Variants in PTPN1 observed in about 807,000 individuals in gnomAD.
PTPN1 encodes the protein protein tyrosine phosphatase non-receptor type 1, also known as tyrosine-protein phosphatase non-receptor type 1.
Under a neutral mutation model 59.9 loss-of-function variants are expected in PTPN1, and 12 were observed. The observed-to-expected ratio is 0.20, with a 90% CI of 0.13 to 0.32. The LOEUF is 0.32. Ranked by LOEUF, PTPN1 falls within the 10% of genes least tolerant of loss-of-function variation. PTPN1 has a pLI of 1.00. For synonymous variants in PTPN1, 178 were observed against 203.6 expected, an observed-to-expected ratio of 0.87 and a Z score of 1.07; for missense variants, 356 against 549.2, an observed-to-expected ratio of 0.65 and a Z score of 3.52.
intron 1 of PTPN1, among the ~76,000 whole-genome samples, chr20:50,517,536 G>C (rs1176330377): frequency 1.3e-5 from 2 of 152,196 alleles, no homozygotes; most frequent in African/African-American, 4.8e-5. Context: ...TGGGATTACA[G>C]GTGTGAGCCA....
intron 1 of PTPN1, among the ~76,000 whole-genome samples, chr20:50,543,939 GAGT>G (rs1452508049): frequency 6.6e-6 from 1 of 152,010 alleles, no homozygotes; most frequent in Non-Finnish European, 1.5e-5. Context: ...TCCGCTTCCT[GAGT>G]TCAAGCAATT....
chr20:50,527,107 G>T (rs1480094846), intron 1 of PTPN1, among the ~76,000 whole-genome samples: 2 of 152,080 alleles, frequency 1.3e-5, no homozygotes, highest in African/African-American at 4.8e-5. Context: ...TGCAATAAGG[G>T]GTTGGTGACT....
chr20:50,522,817 G>T (rs1416215763), intron 1 of PTPN1, among the ~76,000 whole-genome samples: 1 of 152,102 alleles, frequency 6.6e-6, no homozygotes, highest in Non-Finnish European at 1.5e-5. Context: ...GCAATGGCAC[G>T]ATCTCAGCTC....
chr20:50,561,141 C>T (rs547792894), intron 1 of PTPN1, among the ~76,000 whole-genome samples: 2 of 152,304 alleles, frequency 1.3e-5, no homozygotes, highest in South Asian at 4.1e-4. Flanking sequence ...CTGTCTGTCT[C>T]TCTGCCCTCT....
At position 50,585,180 on chromosome 20, in the gene PTPN1, AAGAC is replaced by A. The variant is rs1203181307; in HGVS notation, c.*2469_*2472del. ...CTTGATATAGAATTGACTTAGAAAT[AAGAC>A]AGATTAGTATAGTTTTTCATTTGTG... On this transcript the variant is annotated 3_prime_UTR_variant, in exon 10 of 10. Transcript: ENST00000371621. 7 of 152,254 alleles carry A rather than the reference AAGAC, an allele frequency of 4.6e-5. No homozygotes were observed. The highest frequency in any genetic ancestry group is 9.6e-5 in the African/African-American group (4 of 41,470). The allele number at this position is 152,254 out of a possible 1,614,324, so 9.4% of individuals were successfully genotyped here. A position where few individuals can be genotyped will look rare whatever the true frequency, so the allele number is the denominator to read the frequency against.
chr20:50,561,277 T>G, intron 1 of PTPN1, 86 bp from the exon 2 acceptor site: 1 of 1,022,752 alleles, frequency 9.8e-7, no homozygotes, highest in Non-Finnish European at 1.5e-6. Flanking sequence ...TTTCCCATAT[T>G]GCCCGGCTCT....
chr20:50,583,087 G>T lies in PTPN1; in HGVS notation c.*372G>T, dbSNP rs2082877842. On this transcript the variant is annotated 3_prime_UTR_variant, in exon 10 of 10. Coordinates refer to ENST00000371621, the MANE Select transcript of PTPN1 (RefSeq NM_002827.4). ...CGCCAACAGCCCCCCCCTTGAATCT[G>T]CAGGGAGCAACTCTCCACTCCATAT... 1 of 282,218 alleles carries T rather than the reference G, an allele frequency of 3.5e-6. No homozygotes were observed. Among genetic ancestry groups the T allele is most frequent in the South Asian group, 1.0e-4 (1 of 9,728 alleles). 17.5% of individuals were successfully genotyped at this position (282,218 alleles called of 1,614,324 possible). A position where few individuals can be genotyped will look rare whatever the true frequency, so the allele number is the denominator to read the frequency against.
chr20:50,545,855 G>T (rs540146356), intron 1 of PTPN1, among the ~76,000 whole-genome samples: 31 of 100,640 alleles, frequency 3.1e-4, no homozygotes, highest in Non-Finnish European at 2.6e-4. Flanking sequence ...CCCTCCCCCC[G>T]TCTCTACAAA....
chr20:50,559,596 G>A (rs917321888), intron 1 of PTPN1, among the ~76,000 whole-genome samples: 24 of 151,396 alleles, frequency 1.6e-4, no homozygotes, highest in African/African-American at 5.6e-4. Context: ...ACTTCTTGAT[G>A]TTTTCTTTCC....
At position 50,570,223 on chromosome 20, in the gene PTPN1, A is replaced by G. The variant is rs184202258; in HGVS notation, c.354+1745A>G. On this transcript the variant is annotated intron_variant, in intron 4 of 9. Transcript: ENST00000371621. ...CACGAAGCCTCTGCCTCCACCACAC[A>G]CAAAGAAACGGCTTTAGTTACTCGC... is the stretch of plus-strand genomic sequence containing the variant. 2.3e-3 allele frequency among the ~76,000 whole-genome samples: 349 copies of G among 152,332 alleles called. 3 individuals are homozygous for G. The highest frequency in any genetic ancestry group is 7.6e-3 in the African/African-American group (314 of 41,580).
intron 4 of PTPN1, 29 bp from the exon 5 acceptor site, chr20:50,574,488 C>G (rs778633975): frequency 3.8e-6 from 6 of 1,569,868 alleles, no homozygotes; most frequent in Middle Eastern, 3.4e-4. Context: ...ATATTGCTCA[C>G]AATAATTCAC....
chr20:50,543,425 A>G (rs1230376941), intron 1 of PTPN1, among the ~76,000 whole-genome samples: 8 of 152,226 alleles, frequency 5.3e-5, no homozygotes, highest in Non-Finnish European at 7.3e-5. Flanking sequence ...AACCAACTCT[A>G]TCTAATTATA....
At chr20:50,548,441 T>A (rs1012254714) in intron 1 of PTPN1, among the ~76,000 whole-genome samples, 3 of 151,872 alleles carry the variant, frequency 2.0e-5, no homozygotes, top group African/African-American at 2.4e-5. Flanking sequence ...TTTTTTTTTT[T>A]ATTGAGACAG....
chr20:50,568,578 A>G lies in PTPN1; in HGVS notation c.354+100A>G, dbSNP rs1360616355. Reference sequence around the variant, plus strand: ...TTTAAATTATTTTTCTTGCCTTTGTATTTCCTTTACGTAGTATTTTTATTT... The same window carrying G: ...TTTAAATTATTTTTCTTGCCTTTGTGTTTCCTTTACGTAGTATTTTTATTT... On this transcript the variant is annotated intron_variant, in intron 4 of 9. Coordinates refer to ENST00000371621, the MANE Select transcript of PTPN1 (RefSeq NM_002827.4). The surrounding 1 kb of genome is among the most constrained non-coding windows in gnomAD (Gnocchi z 5.6). The G allele has an allele frequency of 1.7e-5, 17 of 974,444 alleles. No individual in the cohort carries two copies. The highest frequency in any genetic ancestry group is 4.3e-5 in the South Asian group (3 of 70,554). The allele number at this position is 974,444 out of a possible 1,614,324, so 60.4% of individuals were successfully genotyped here.
Position 50,511,275 on chromosome 20 carries a change from G to A in PTPN1, c.63+685G>A, listed in dbSNP as rs139831088. ...AATTTCAGATAGTGACAGGTGCTGT[G>A]AAGAGAACGACTTCCTAACGGGGTA... is the stretch of plus-strand genomic sequence containing the variant. On this transcript the variant is annotated intron_variant, in intron 1 of 9. Coordinates refer to ENST00000371621, the MANE Select transcript of PTPN1 (RefSeq NM_002827.4). Among the ~76,000 whole-genome samples the A allele has an allele frequency of 1.7e-4, 26 of 152,308 alleles. No individual in the cohort carries two copies. In the East Asian group the frequency reaches 4.8e-3, roughly 28 times the overall value.
chr20:50,510,653 C>T (rs2082502607), intron 1 of PTPN1, 63 bp downstream of exon 1: 1 of 1,499,552 alleles, frequency 6.7e-7, no homozygotes, highest in East Asian at 2.5e-5. Flanking sequence ...TCCCCTCAGA[C>T]CTCCAGGCCC....
At chr20:50,537,640 C>T (rs2082629901) in intron 1 of PTPN1, among the ~76,000 whole-genome samples, 1 of 152,190 alleles carries the variant, frequency 6.6e-6, no homozygotes, top group Admixed American at 6.5e-5. Context: ...CCGTCATACC[C>T]TTGTATGTTT....
rs1364821076 is a variant in PTPN1 at position 50,513,781 on chromosome 20, A to G, written c.63+3191A>G. Among the ~76,000 whole-genome samples the G allele has an allele frequency of 3.9e-5, 6 of 152,256 alleles. No homozygotes were observed. In the East Asian group the frequency reaches 1.2e-3, roughly 29 times the overall value. On this transcript the variant is annotated intron_variant, in intron 1 of 9. Transcript: ENST00000371621. ...CAGCTTATGTTGTTATATTCCAAAA[A>G]GATGAATATTAAAATTTGCCAATAA...
At chr20:50,538,041 A>C (rs559185619) in intron 1 of PTPN1, among the ~76,000 whole-genome samples, 1 of 152,272 alleles carries the variant, frequency 6.6e-6, no homozygotes, top group East Asian at 1.9e-4. Context: ...AGCTTTCTCC[A>C]CTGGCTGCCT....
Sources: allele counts gnomAD v4.1 joint callset (sites outside exome capture counted in the v4.1 genomes callset), GRCh38; gene constraint gnomAD v4.1.1; non-coding constraint Gnocchi (gnomAD v3.1); transcripts MANE v1.5; gene names NCBI Gene and HGNC (gene_info 2026-07-23, HGNC 2026-07-21).